Variants in ADAMTS17 observed in about 807,000 individuals in gnomAD.
The protein encoded by ADAMTS17 is ADAM metallopeptidase with thrombospondin type 1 motif 17.
A neutral mutation model predicts 141.5 loss-of-function variants in ADAMTS17; 113 were observed. That is an observed-to-expected ratio of 0.80 (90% CI 0.69 to 0.93). The LOEUF is 0.93. Ranked by LOEUF, ADAMTS17 falls within the 40% of genes least tolerant of loss-of-function variation. The pLI, the probability that ADAMTS17 is intolerant of heterozygous loss-of-function variation, is 0.00. For synonymous variants in ADAMTS17, 768 were observed against 630.6 expected, an observed-to-expected ratio of 1.22 and a Z score of -3.27; for missense variants, 1,659 against 1,517.9, an observed-to-expected ratio of 1.09 and a Z score of -1.54.
At chr15:100,233,653 C>T (rs2042561578) in intron 7 of ADAMTS17, among the ~76,000 whole-genome samples, 2 of 152,300 alleles carry the variant, frequency 1.3e-5, no homozygotes, top group South Asian at 4.1e-4. Context: ...GAGAAACACG[C>T]AATGTCCAGC....
chr15:100,100,134 T>C (rs906920579), intron 14 of ADAMTS17, among the ~76,000 whole-genome samples: 1 of 152,152 alleles, frequency 6.6e-6, no homozygotes, highest in Admixed American at 6.5e-5. Flanking sequence ...AATAAAGACA[T>C]GTAAGATGGA....
chr15:100,144,772 G>A (rs56023154), intron 10 of ADAMTS17, among the ~76,000 whole-genome samples: 10,050 of 151,588 alleles, frequency 0.066, 452 homozygotes, highest in African/African-American at 0.12. Context: ...AATAACACAC[G>A]CGTGTCGATG....
intron 2 of ADAMTS17, among the ~76,000 whole-genome samples, chr15:100,336,998 C>T (rs754750967): frequency 6.6e-6 from 1 of 152,144 alleles, no homozygotes; most frequent in African/African-American, 2.4e-5. Context: ...CTCAGCCTCC[C>T]GAGTAGCTGG....
rs752015215 is a variant in ADAMTS17, at chr15:100,051,601, C to G, written c.2426G>C (p.Trp809Ser). ...DSLFIWTHSG[W>S]EGCSVQCGGG... ...GCCGCACTGCACACTGCACCCTTCC[C>G]AGCCGCTGTGGGTCCAGATGAACAA... Residue 809 changes from tryptophan to serine, a missense_variant, in exon 17 of 22, where the codon TGG (tryptophan) becomes TCG (serine). Transcript: ENST00000268070. 6.2e-7 allele frequency: 1 copy of G among 1,614,046 alleles called. No individual in the cohort carries two copies. The highest frequency in any genetic ancestry group is 8.5e-7 in the Non-Finnish European group (1 of 1,179,974).
intron 13 of ADAMTS17, 130 bp downstream of exon 13, chr15:100,116,717 T>G: frequency 7.8e-7 from 1 of 1,285,156 alleles, no homozygotes; most frequent in Non-Finnish European, 1.1e-6. Flanking sequence ...GCAGCTGAGC[T>G]GGGCAGAGGA....
At chr15:100,090,873 T>G (rs2035416016) in intron 15 of ADAMTS17, among the ~76,000 whole-genome samples, 1 of 151,646 alleles carries the variant, frequency 6.6e-6, no homozygotes, top group Non-Finnish European at 1.5e-5. Context: ...CCAGGTTTGG[T>G]GGTGCATGCC....
At chr15:100,250,001 G>C (rs991787441) in intron 7 of ADAMTS17, among the ~76,000 whole-genome samples, 1 of 152,194 alleles carries the variant, frequency 6.6e-6, no homozygotes, top group African/African-American at 2.4e-5. Context: ...GCACAGCTGT[G>C]TGGAAGTACT....
At chr15:100,109,443 A>T (rs1717497325) in intron 13 of ADAMTS17, among the ~76,000 whole-genome samples, 1 of 139,758 alleles carries the variant, frequency 7.2e-6, no homozygotes, top group Non-Finnish European at 1.5e-5. Flanking sequence ...TTGAATACAC[A>T]TCAAGGGGGA....
rs184021703 is a variant in ADAMTS17, at chr15:100,179,148, G to C, written c.1181+20170C>G. 2.6e-5 allele frequency among the ~76,000 whole-genome samples: 4 copies of C among 152,128 alleles called. No individual in the cohort carries two copies. The East Asian group carries it at 7.7e-4, about 29-fold the overall frequency. ...AAATTATAACTATAGCCCTGTTGTG[G>C]AACCAAATACTAGGTCTTATTCATT... is the stretch of plus-strand genomic sequence containing the variant. On this transcript the variant is annotated intron_variant, in intron 8 of 21. Coordinates refer to ENST00000268070, the MANE Select transcript of ADAMTS17 (RefSeq NM_139057.4).
intron 8 of ADAMTS17, among the ~76,000 whole-genome samples, chr15:100,174,239 G>T (rs975166000): frequency 6.7e-6 from 1 of 150,342 alleles, no homozygotes; most frequent in Non-Finnish European, 1.5e-5. Context: ...TTTCTGCTCA[G>T]ATTCCCAATT....
At chr15:100,283,051 A>C (rs891470952) in intron 3 of ADAMTS17, among the ~76,000 whole-genome samples, 6 of 141,678 alleles carry the variant, frequency 4.2e-5, no homozygotes, top group Non-Finnish European at 7.4e-5. Context: ...GTATTACTGT[A>C]TTTTAAAGAA....
chr15:100,202,234 G>A (rs555161128), intron 7 of ADAMTS17, among the ~76,000 whole-genome samples: 47 of 152,342 alleles, frequency 3.1e-4, no homozygotes, highest in African/African-American at 1.1e-3. Context: ...ATTAGGTAAC[G>A]TGCAATGCTA....
At chr15:100,307,001 C>T (rs1227643630) in intron 3 of ADAMTS17, among the ~76,000 whole-genome samples, 1 of 152,184 alleles carries the variant, frequency 6.6e-6, no homozygotes, top group African/African-American at 2.4e-5. Flanking sequence ...CTGAGGAGCA[C>T]TTCATGAATG....
chr15:100,178,056 G>A (rs1178943810), intron 8 of ADAMTS17, among the ~76,000 whole-genome samples: 6 of 151,840 alleles, frequency 4.0e-5, no homozygotes, highest in African/African-American at 9.7e-5. Flanking sequence ...ATCTACCTAT[G>A]TCATTATGTT....
intron 3 of ADAMTS17, among the ~76,000 whole-genome samples, chr15:100,282,482 T>C (rs1264734473): frequency 6.6e-6 from 1 of 152,194 alleles, no homozygotes; most frequent in Non-Finnish European, 1.5e-5. Flanking sequence ...GACGTGTCAT[T>C]TATAAATTAG....
At chr15:100,317,097 C>T (rs1377336196) in intron 3 of ADAMTS17, among the ~76,000 whole-genome samples, 1 of 152,162 alleles carries the variant, frequency 6.6e-6, no homozygotes, top group African/African-American at 2.4e-5. Flanking sequence ...AACACCCCTT[C>T]CTAAAGGGTA....
intron 7 of ADAMTS17, among the ~76,000 whole-genome samples, chr15:100,219,257 T>C (rs1465503708): frequency 1.3e-5 from 2 of 152,188 alleles, no homozygotes; most frequent in African/African-American, 4.8e-5. Context: ...ATAAAAATGT[T>C]CCTAAATCAA....
At chr15:100,191,508 C>T (rs2040915415) in intron 8 of ADAMTS17, among the ~76,000 whole-genome samples, 1 of 152,248 alleles carries the variant, frequency 6.6e-6, no homozygotes, top group Non-Finnish European at 1.5e-5. Flanking sequence ...CTCTTTGGAA[C>T]AGAGGCTCTG....
intron 14 of ADAMTS17, among the ~76,000 whole-genome samples, chr15:100,105,629 T>G (rs1006529818): frequency 6.6e-6 from 1 of 152,096 alleles, no homozygotes; most frequent in Non-Finnish European, 1.5e-5. Context: ...CAAGAGGGGG[T>G]AGAGCTCATG....
Sources: gnomAD v4.1 joint callset for allele counts (sites outside exome capture counted in the v4.1 genomes callset) on GRCh38, gnomAD v4.1.1 for gene constraint, MANE v1.5 for transcripts, NCBI Gene and HGNC (gene_info 2026-07-23, HGNC 2026-07-21) for gene names.